ARHGEF12: variants seen among roughly 807,000 people sequenced by gnomAD.
The protein encoded by ARHGEF12 is KMT2A/ARHGEF12 fusion protein.
ARHGEF12 carries 66 observed loss-of-function variants against 211.2 expected under a neutral mutation model. That is an observed-to-expected ratio of 0.31 (90% CI 0.26 to 0.38). ARHGEF12 has a LOEUF of 0.38. Ranked by LOEUF, ARHGEF12 falls within the 10% of genes least tolerant of loss-of-function variation. The pLI, the probability that ARHGEF12 is intolerant of heterozygous loss-of-function variation, is 1.00. For synonymous variants in ARHGEF12, 592 were observed against 638.4 expected, an observed-to-expected ratio of 0.93 and a Z score of 1.09; for missense variants, 1,429 against 1,869.5, an observed-to-expected ratio of 0.76 and a Z score of 4.34.
chr11:120,351,996 A>G (rs943481603), intron 1 of ARHGEF12, among the ~76,000 whole-genome samples: 5 of 152,314 alleles, frequency 3.3e-5, no homozygotes, highest in Admixed American at 6.5e-5. Flanking sequence ...ACTACTGGTC[A>G]CAGTCGTTTG....
chr11:120,360,844 G>A (rs182857269), intron 1 of ARHGEF12, among the ~76,000 whole-genome samples: 107 of 152,282 alleles, frequency 7.0e-4, no homozygotes, highest in African/African-American at 2.4e-3. Context: ...GTGGAATGTA[G>A]CAATGCATCC....
At chr11:120,409,870 G>A (rs1032267544) in intron 4 of ARHGEF12, 1 of 155,158 alleles carries the variant, frequency 6.4e-6, no homozygotes, top group Non-Finnish European at 1.4e-5. Context: ...TAATACTGGT[G>A]TAATTTAGAC....
At chr11:120,483,571 C>T (rs1947317654) in intron 39 of ARHGEF12, among the ~76,000 whole-genome samples, 1 of 151,724 alleles carries the variant, frequency 6.6e-6, no homozygotes, top group South Asian at 2.1e-4. Context: ...TTACAGGTGC[C>T]CGCCACCACA....
intron 1 of ARHGEF12, among the ~76,000 whole-genome samples, chr11:120,374,245 T>C (rs1943666095): frequency 6.6e-6 from 1 of 152,230 alleles, no homozygotes; most frequent in Admixed American, 6.5e-5. Flanking sequence ...AGAGATGTTA[T>C]GACTTTTAGA....
intron 1 of ARHGEF12, among the ~76,000 whole-genome samples, chr11:120,379,129 A>G (rs543173002): frequency 3.7e-4 from 57 of 152,258 alleles, no homozygotes; most frequent in African/African-American, 1.4e-3. Context: ...ATTTCTCTAT[A>G]AACATTACAT....
chr11:120,386,077 TATC>T (rs1385940232), intron 1 of ARHGEF12, among the ~76,000 whole-genome samples: 1 of 152,166 alleles, frequency 6.6e-6, no homozygotes, highest in Non-Finnish European at 1.5e-5. Context: ...GCACCAATCT[TATC>T]AACTTGAATT....
chr11:120,339,169 G>T, intron 1 of ARHGEF12, among the ~76,000 whole-genome samples: 1 of 151,708 alleles, frequency 6.6e-6, no homozygotes, highest in Admixed American at 6.6e-5. Flanking sequence ...AAAGACCTTG[G>T]AAAGCCAATT....
intron 7 of ARHGEF12, among the ~76,000 whole-genome samples, chr11:120,427,823 G>C (rs1945392439): frequency 6.6e-6 from 1 of 151,988 alleles, no homozygotes; most frequent in African/African-American, 2.4e-5. Context: ...AGTAATATCT[G>C]ATCTTACTAG....
At chr11:120,435,421 G>A (rs977514887) in intron 11 of ARHGEF12, among the ~76,000 whole-genome samples, 2 of 151,830 alleles carry the variant, frequency 1.3e-5, no homozygotes, top group Non-Finnish European at 2.9e-5. Context: ...TATCACATGA[G>A]GATGTGAATG....
intron 7 of ARHGEF12, 100 bp downstream of exon 7, chr11:120,424,515 A>C: frequency 1.1e-6 from 1 of 928,216 alleles, no homozygotes; most frequent in Non-Finnish European, 1.7e-6. Flanking sequence ...TATTTAGGCT[A>C]TGTGGACTAT....
intron 6 of ARHGEF12, among the ~76,000 whole-genome samples, chr11:120,422,689 G>A (rs1035118638): frequency 6.6e-6 from 1 of 152,112 alleles, no homozygotes; most frequent in Non-Finnish European, 1.5e-5. Context: ...TGACCTGTAT[G>A]CAAATAGAAT....
chr11:120,383,621 C>G (rs1019711234), intron 1 of ARHGEF12, among the ~76,000 whole-genome samples: 4 of 152,106 alleles, frequency 2.6e-5, no homozygotes, highest in African/African-American at 9.7e-5. Flanking sequence ...GTTCCTGCTC[C>G]TCTGAGCATC....
At chr11:120,457,089 C>G in intron 22 of ARHGEF12, 29 bp from the exon 23 acceptor site, 1 of 1,610,940 alleles carries the variant, frequency 6.2e-7, no homozygotes, top group African/African-American at 1.3e-5. Flanking sequence ...AGTATTAACA[C>G]TCTTCAAATG....
intron 1 of ARHGEF12, among the ~76,000 whole-genome samples, chr11:120,391,738 T>C (rs1436071153): frequency 6.6e-6 from 1 of 152,232 alleles, no homozygotes; most frequent in Non-Finnish European, 1.5e-5. Flanking sequence ...GAAATTAGGA[T>C]AGAAAGGACA....
chr11:120,421,411 G>C (rs966664645), intron 5 of ARHGEF12, among the ~76,000 whole-genome samples: 1 of 145,746 alleles, frequency 6.9e-6, no homozygotes, highest in Non-Finnish European at 1.5e-5. Context: ...TGAATGTAAA[G>C]TCTGACTTTA....
At chr11:120,399,419 G>A (rs1213040259) in intron 1 of ARHGEF12, among the ~76,000 whole-genome samples, 2 of 148,984 alleles carry the variant, frequency 1.3e-5, no homozygotes, top group Non-Finnish European at 3.0e-5. Context: ...TAGAGCACAT[G>A]AGAACGAAGT....
chr11:120,412,218 G>A (rs1368851870), intron 4 of ARHGEF12, among the ~76,000 whole-genome samples: 39 of 152,202 alleles, frequency 2.6e-4, no homozygotes, highest in Admixed American at 2.6e-3. Flanking sequence ...ATTCAGCAAG[G>A]GAATTCTGAG....
chr11:120,476,889 A>G, intron 34 of ARHGEF12, 141 bp downstream of exon 34: 1 of 653,256 alleles, frequency 1.5e-6, no homozygotes, highest in Non-Finnish European at 2.5e-6. Context: ...TTCTACTATG[A>G]ACTTGTTCTT....
intron 1 of ARHGEF12, among the ~76,000 whole-genome samples, chr11:120,351,771 G>A (rs61898358): frequency 0.018 from 2,781 of 151,988 alleles, 39 homozygotes; most frequent in Non-Finnish European, 0.03. Context: ...GCGCCCGGCC[G>A]GATGTTACAT....
Sources: gnomAD v4.1 joint callset for allele counts (sites outside exome capture counted in the v4.1 genomes callset) on GRCh38, gnomAD v4.1.1 for gene constraint, MANE v1.5 for transcripts, NCBI Gene and HGNC (gene_info 2026-07-23, HGNC 2026-07-21) for gene names.